Variants in CELF2 observed in about 807,000 individuals in gnomAD.
The protein encoded by CELF2 is CUG triplet repeat RNA-binding protein 2.
Under a neutral mutation model 62.6 loss-of-function variants are expected in CELF2, and 8 were observed. That is an observed-to-expected ratio of 0.13 (90% CI 0.07 to 0.23). The LOEUF is 0.23. Ranked by LOEUF, CELF2 falls within the 10% of genes least tolerant of loss-of-function variation. The pLI is 1.00. For synonymous variants in CELF2, 258 were observed against 250.0 expected (o/e 1.03, Z -0.30); for missense variants, 333 against 671.0 (o/e 0.50, Z 5.56).
intron 1 of CELF2, among the ~76,000 whole-genome samples, chr10:11,100,768 A>G (rs2051365871): frequency 6.6e-6 from 1 of 152,122 alleles, no homozygotes; most frequent in Non-Finnish European, 1.5e-5. Context: ...TTGCAAGCCC[A>G]ATGAACAGGT....
chr10:10,816,340 TC>T (rs2056462317), intron 1 of CELF2, among the ~76,000 whole-genome samples: 1 of 152,222 alleles, frequency 6.6e-6, no homozygotes, highest in Non-Finnish European at 1.5e-5. Context: ...ATAGGGTGAC[TC>T]TAGGAGCTGG....
At chr10:10,523,666 C>G in the CELF2 span, among the ~76,000 whole-genome samples, 1 of 152,196 alleles carries the variant, frequency 6.6e-6, no homozygotes, top group Admixed American at 6.5e-5. Flanking sequence ...TCAGCTCACT[C>G]TTTCCCTTAA....
At position 11,207,557 on chromosome 10, in the gene CELF2, T is replaced by C. The variant is rs7906166; in HGVS notation, c.272-9868T>C. On this transcript the variant is annotated intron_variant, in intron 2 of 12. Coordinates refer to ENST00000633077, the MANE Select transcript of CELF2 (RefSeq NM_001326342.2). This position sits in a 1 kb window ranked among gnomAD's most constrained non-coding sequence, Gnocchi z 4.1. Reference sequence around the variant, plus strand: ...CAGGGAAAGTGAGGAAGGATGTTGGTGGAGCATCGCACGACTGCCTCAGGC... The same window carrying C: ...CAGGGAAAGTGAGGAAGGATGTTGGCGGAGCATCGCACGACTGCCTCAGGC... 0.24 allele frequency among the ~76,000 whole-genome samples: 36,659 copies of C among 152,234 alleles called. 5,481 individuals carry two copies. Among genetic ancestry groups the C allele is most frequent in the East Asian group, 0.68 (3,515 of 5,170 alleles).
the CELF2 span, among the ~76,000 whole-genome samples, chr10:10,718,674 C>T: frequency 5.3e-5 from 8 of 150,556 alleles, no homozygotes; most frequent in Non-Finnish European, 7.4e-5. Context: ...GTCACTGTGA[C>T]GTCTCCTCCA....
intron 2 of CELF2, chr10:10,920,137 T>A: frequency 2.1e-6 from 1 of 483,912 alleles, no homozygotes; most frequent in Non-Finnish European, 3.3e-6. Flanking sequence ...CATCACCATG[T>A]AAATGCCAAA....
At chr10:10,615,780 G>A in the CELF2 span, among the ~76,000 whole-genome samples, 8 of 151,992 alleles carry the variant, frequency 5.3e-5, no homozygotes, top group Non-Finnish European at 1.2e-4. Flanking sequence ...GTTTCCTGAG[G>A]CCTCCCCAGA....
rs76279471 is a variant in CELF2 at position 11,156,039 on chromosome 10, C to T, written c.75-9447C>T. On this transcript the variant is annotated intron_variant, in intron 1 of 12. Transcript: ENST00000633077. This position sits in a 1 kb window ranked among gnomAD's most constrained non-coding sequence, Gnocchi z 4.3. The stretch of plus-strand genomic sequence containing the variant: ...TGGAGTTCTGAATGCCGGGCAAGCA[C>T]AAAGGTCAGTGACGCCTTTGTCCTT... Among the ~76,000 whole-genome samples, 1,648 of 152,234 alleles carry T rather than the reference C, an allele frequency of 0.011. 26 individuals are homozygous for T. Among genetic ancestry groups the T allele is most frequent in the African/African-American group, 0.038 (1,572 of 41,544 alleles).
rs60558657 is a variant in CELF2 at position 11,257,640 on chromosome 10, TCA to T, written c.404-95_404-94del. The T allele has an allele frequency of 0.01, 14,510 of 1,413,362 alleles. 1,222 individuals are homozygous for T. The African/African-American group carries it at 0.18, about 18-fold the overall frequency. 87.6% of individuals were successfully genotyped at this position (1,413,362 alleles called of 1,614,324 possible). A position where few individuals can be genotyped will look rare whatever the true frequency, so the allele number is the denominator to read the frequency against. On this transcript the variant is annotated intron_variant, in intron 4 of 12. Coordinates refer to ENST00000633077, the MANE Select transcript of CELF2 (RefSeq NM_001326342.2). ...TTGGCCTTGGGACACGTGCTTGGTC[TCA>T]CATGGCTGGGGCCTGGTTTGATGGG...
chr10:10,903,809 C>G (rs924344459), intron 1 of CELF2, among the ~76,000 whole-genome samples: 3 of 152,190 alleles, frequency 2.0e-5, no homozygotes, highest in African/African-American at 4.8e-5. Context: ...GCACAGGGGC[C>G]TTGGGCTCTT....
At chr10:10,508,158 C>T in the CELF2 span, among the ~76,000 whole-genome samples, 1 of 67,698 alleles carries the variant, frequency 1.5e-5, no homozygotes, top group Non-Finnish European at 3.2e-5. Flanking sequence ...CTGTCTCTCA[C>T]AGACAAATAC....
At chr10:11,320,843 T>C (rs2095400642) in intron 10 of CELF2, 1 of 1,509,058 alleles carries the variant, frequency 6.6e-7, no homozygotes, top group South Asian at 1.2e-5. Flanking sequence ...TTTTTTTTTT[T>C]ACATGCTCCT....
At chr10:10,679,151 A>G in the CELF2 span, among the ~76,000 whole-genome samples, 1 of 152,192 alleles carries the variant, frequency 6.6e-6, no homozygotes, top group South Asian at 2.1e-4. Flanking sequence ...GGTGGCTATA[A>G]TTTATCAAGA....
At chr10:10,926,615 C>T (rs954263992) in intron 2 of CELF2, among the ~76,000 whole-genome samples, 1 of 152,214 alleles carries the variant, frequency 6.6e-6, no homozygotes, top group Non-Finnish European at 1.5e-5. Context: ...CTCCAGCCGT[C>T]ACGTGGGGAC....
the CELF2 span, among the ~76,000 whole-genome samples, chr10:10,578,897 A>G: frequency 6.6e-6 from 1 of 152,158 alleles, no homozygotes; most frequent in Non-Finnish European, 1.5e-5. Flanking sequence ...GTTGATGCTA[A>G]TATTAACTTT....
the CELF2 span, among the ~76,000 whole-genome samples, chr10:10,520,853 G>T: frequency 6.6e-6 from 1 of 152,104 alleles, no homozygotes; most frequent in Non-Finnish European, 1.5e-5. Flanking sequence ...ATCATCAGAA[G>T]CGGAATATAA....
At chr10:11,040,276 T>C (rs779238411) in intron 1 of CELF2, among the ~76,000 whole-genome samples, 7 of 152,206 alleles carry the variant, frequency 4.6e-5, no homozygotes, top group Non-Finnish European at 1.0e-4. Context: ...TAACAAGATA[T>C]AGACAGTGTT....
intron 2 of CELF2, among the ~76,000 whole-genome samples, chr10:11,185,603 G>A (rs980776648): frequency 1.3e-5 from 2 of 152,006 alleles, no homozygotes; most frequent in Non-Finnish European, 2.9e-5. Context: ...TAGTAGAGAG[G>A]GGGTTTCTCC....
At chr10:10,788,438 T>C in the CELF2 span, among the ~76,000 whole-genome samples, 14 of 151,194 alleles carry the variant, frequency 9.3e-5, no homozygotes, top group African/African-American at 3.4e-4. Flanking sequence ...ATTACTTTTG[T>C]ATATTTCTTT....
chr10:11,258,468 A>G (rs886706927), intron 5 of CELF2, among the ~76,000 whole-genome samples: 1 of 152,216 alleles, frequency 6.6e-6, no homozygotes, highest in African/African-American at 2.4e-5. Context: ...AGAAGATTGT[A>G]GGCACTTCTT....
Sources: gnomAD v4.1 joint callset for allele counts (sites outside exome capture counted in the v4.1 genomes callset) on GRCh38, gnomAD v4.1.1 for gene constraint, Gnocchi (gnomAD v3.1) non-coding constraint, MANE v1.5 for transcripts, NCBI Gene and HGNC (gene_info 2026-07-23, HGNC 2026-07-21) for gene names.